TSPAN9: variants seen among roughly 807,000 people sequenced by gnomAD.
TSPAN9 encodes tetraspanin-9.
In TSPAN9, 16 loss-of-function variants were observed where a neutral mutation model predicts 31.0. That is an observed-to-expected ratio of 0.52 (90% CI 0.35 to 0.78). The LOEUF is 0.78. Ranked by LOEUF, TSPAN9 falls within the 30% of genes least tolerant of loss-of-function variation. The pLI, the probability that TSPAN9 is intolerant of heterozygous loss-of-function variation, is 0.01. For missense variants in TSPAN9, 272 were observed against 312.5 expected (o/e 0.87, Z 0.98); for synonymous variants, 145 against 121.6 (o/e 1.19, Z -1.27).
chr12:3,117,827 C>T (rs1429931194), intron 2 of TSPAN9, among the ~76,000 whole-genome samples: 1 of 152,126 alleles, frequency 6.6e-6, no homozygotes, highest in Non-Finnish European at 1.5e-5. Context: ...GTTGTCCAAT[C>T]CCCTGAGCAG....
intron 2 of TSPAN9, among the ~76,000 whole-genome samples, chr12:3,181,297 C>A (rs1299459120): frequency 2.0e-5 from 3 of 152,184 alleles, no homozygotes; most frequent in Admixed American, 1.3e-4. Context: ...GGACGTAGAT[C>A]ATCAACTGTG....
chr12:3,109,746 C>T (rs965206863), intron 2 of TSPAN9, among the ~76,000 whole-genome samples: 2 of 142,560 alleles, frequency 1.4e-5, no homozygotes, highest in Non-Finnish European at 3.0e-5. Flanking sequence ...TGCAGTCAGC[C>T]GAGATCGCAC....
intron 2 of TSPAN9, among the ~76,000 whole-genome samples, chr12:3,113,467 A>T (rs187695220): frequency 1.3e-5 from 2 of 152,304 alleles, no homozygotes; most frequent in East Asian, 3.9e-4. Context: ...TTCCTGTTGA[A>T]GTCAAAAGAT....
rs1308941271 is a variant in TSPAN9 at position 3,107,266 on chromosome 12, C to T, written c.-18+23547C>T. The stretch of plus-strand genomic sequence containing the variant: ...GAGTGGTGGAGGGGCCAGACTGTTA[C>T]TCATCCTTGACTGTTTCTTCTGACC... On this transcript the variant is annotated intron_variant, in intron 2 of 8. Coordinates refer to ENST00000011898, the MANE Select transcript of TSPAN9 (RefSeq NM_006675.5). The surrounding 1 kb of genome is among the most constrained non-coding windows in gnomAD (Gnocchi z 4.1). Among the ~76,000 whole-genome samples, 1 of 152,166 alleles carries T rather than the reference C, an allele frequency of 6.6e-6. No individual in the cohort carries two copies. Among genetic ancestry groups the T allele is most frequent in the Non-Finnish European group, 1.5e-5 (1 of 68,030 alleles).
chr12:3,247,971 C>CTA (rs1862172397), intron 3 of TSPAN9, among the ~76,000 whole-genome samples: 1 of 152,196 alleles, frequency 6.6e-6, no homozygotes, highest in Non-Finnish European at 1.5e-5. Flanking sequence ...CGCAGCGGGG[C>CTA]ATGGAGGATG....
intron 2 of TSPAN9, among the ~76,000 whole-genome samples, chr12:3,085,906 G>T (rs925919081): frequency 6.6e-6 from 1 of 152,332 alleles, no homozygotes; most frequent in Admixed American, 6.5e-5. Context: ...GAGCGGACTG[G>T]GGGTGGAAGT....
chr12:3,176,849 C>T (rs532915941), intron 2 of TSPAN9, among the ~76,000 whole-genome samples: 3 of 152,326 alleles, frequency 2.0e-5, no homozygotes, highest in South Asian at 4.1e-4. Context: ...CCCACCAGAG[C>T]CCGTCTTTAA....
intron 3 of TSPAN9, among the ~76,000 whole-genome samples, chr12:3,228,802 C>T (rs2098389199): frequency 6.6e-6 from 1 of 152,218 alleles, no homozygotes; most frequent in African/African-American, 2.4e-5. Context: ...TCTATTATGT[C>T]ACCATTCTGG....
intron 2 of TSPAN9, among the ~76,000 whole-genome samples, chr12:3,179,550 G>A (rs1247527570): frequency 1.3e-5 from 2 of 152,136 alleles, no homozygotes; most frequent in African/African-American, 2.4e-5. Context: ...GACATGTGAG[G>A]CAGACAGCTG....
rs539788879 is a variant in TSPAN9 at position 3,109,153 on chromosome 12, G to A, written c.-18+25434G>A. Among the ~76,000 whole-genome samples the A allele has an allele frequency of 1.8e-4, 27 of 151,860 alleles. 1 individual carries two copies. Among genetic ancestry groups the A allele is most frequent in the East Asian group, 1.2e-3 (6 of 5,076 alleles). ...GGGTTTCACCGTGTTAGCCAGGATG[G>A]TCTCGATCTCCTGACCTCGTGATCC... On this transcript the variant is annotated intron_variant, in intron 2 of 8. Transcript: ENST00000011898.
chr12:3,104,906 A>C (rs1271790385), intron 2 of TSPAN9, among the ~76,000 whole-genome samples: 1 of 152,228 alleles, frequency 6.6e-6, no homozygotes, highest in Non-Finnish European at 1.5e-5. Context: ...CCGGTCATTT[A>C]GGACAACAGT....
chr12:3,109,386 T>C (rs945664573), intron 2 of TSPAN9, among the ~76,000 whole-genome samples: 2 of 151,822 alleles, frequency 1.3e-5, no homozygotes, highest in African/African-American at 4.8e-5. Flanking sequence ...TAGTGATCCT[T>C]GGAAGTCTTT....
intron 3 of TSPAN9, among the ~76,000 whole-genome samples, chr12:3,212,529 T>C (rs4766075): frequency 0.7 from 105,880 of 151,926 alleles, 37,226 homozygotes; most frequent in African/African-American, 0.78. Flanking sequence ...CTGCCTTGGC[T>C]TCCAAAGTGC....
chr12:3,276,410 A>G (rs932819750), intron 3 of TSPAN9, among the ~76,000 whole-genome samples: 1 of 151,962 alleles, frequency 6.6e-6, no homozygotes, highest in Non-Finnish European at 1.5e-5. Context: ...TTTGTCTCCT[A>G]CCATGTGTCA....
In TSPAN9 at chr12:3,096,698, TC is replaced by T. The variant is rs202238762; in HGVS notation, c.-18+12980del. Among the ~76,000 whole-genome samples the T allele has an allele frequency of 1.4e-3, 215 of 148,832 alleles. 2 individuals are homozygous for T. Among genetic ancestry groups the T allele is most frequent in the African/African-American group, 2.0e-3 (82 of 40,572 alleles). On this transcript the variant is annotated intron_variant, in intron 2 of 8. Transcript: ENST00000011898. The stretch of plus-strand genomic sequence containing the variant: ...GAGGCAGTGAGGATCTTTCTTTCTT[TC>T]TTTTTTTTTTTATTTTGAGACGGAA...
At chr12:3,113,241 A>G (rs2098320144) in intron 2 of TSPAN9, among the ~76,000 whole-genome samples, 1 of 152,026 alleles carries the variant, frequency 6.6e-6, no homozygotes, top group South Asian at 2.1e-4. Flanking sequence ...TAGGGGCTGT[A>G]AAAGAGGGCA....
chr12:3,196,757 C>T (rs1245626299), intron 2 of TSPAN9, among the ~76,000 whole-genome samples: 20 of 152,222 alleles, frequency 1.3e-4, no homozygotes, highest in Admixed American at 1.3e-3. Context: ...TCCACTTCCT[C>T]TCCTACCTGC....
intron 3 of TSPAN9, among the ~76,000 whole-genome samples, chr12:3,226,718 ATGTG>A (rs60390468): frequency 0.19 from 2,759 of 14,902 alleles, 428 homozygotes; most frequent in South Asian, 0.28. Context: ...ATGTGTATGT[ATGTG>A]TGTGTGTGTG....
At chr12:3,243,428 C>G (rs748376100) in intron 3 of TSPAN9, among the ~76,000 whole-genome samples, 2 of 152,168 alleles carry the variant, frequency 1.3e-5, no homozygotes, top group Non-Finnish European at 2.9e-5. Flanking sequence ...GTAATTTGCT[C>G]TGGTTTCACG....
Sources: gnomAD v4.1 joint callset for allele counts (sites outside exome capture counted in the v4.1 genomes callset) on GRCh38, gnomAD v4.1.1 for gene constraint, Gnocchi (gnomAD v3.1) non-coding constraint, MANE v1.5 for transcripts, NCBI Gene and HGNC (gene_info 2026-07-23, HGNC 2026-07-21) for gene names.